RTF1: variants seen among roughly 807,000 people sequenced by gnomAD.
RTF1 encodes the protein RTF1 homolog, Paf1/RNA polymerase II complex component.
In RTF1, 10 loss-of-function variants were observed where a neutral mutation model predicts 95.7. The ratio of observed to expected loss-of-function variants is 0.10; its 90% CI spans 0.06 to 0.18. The LOEUF is 0.18. Among genes scored for constraint, RTF1 ranks in the 10% least tolerant of loss-of-function variants. The pLI, the probability that RTF1 is intolerant of heterozygous loss-of-function variation, is 1.00. For synonymous variants in RTF1, 305 were observed against 311.8 expected, an observed-to-expected ratio of 0.98 and a Z score of 0.23; for missense variants, 458 against 875.6, an observed-to-expected ratio of 0.52 and a Z score of 6.02.
intron 2 of RTF1, among the ~76,000 whole-genome samples, chr15:41,439,393 T>C (rs2050721546): frequency 6.6e-6 from 1 of 152,178 alleles, no homozygotes; most frequent in Non-Finnish European, 1.5e-5. Flanking sequence ...AAATAAATTC[T>C]ATCAAGGATG....
intron 13 of RTF1, 79 bp downstream of exon 13, chr15:41,477,365 C>G: frequency 6.2e-7 from 1 of 1,612,674 alleles, no homozygotes; most frequent in South Asian, 1.1e-5. Flanking sequence ...ACACTCTGTG[C>G]TGCACTGACC....
At position 41,423,381 on chromosome 15, in the gene RTF1, G is replaced by A. The variant is rs146496661; in HGVS notation, c.198+6068G>A. Among the ~76,000 whole-genome samples, 373 of 130,500 alleles carry A rather than the reference G, an allele frequency of 2.9e-3. 2 individuals carry two copies. Among genetic ancestry groups the A allele is most frequent in the African/African-American group, 9.6e-3 (344 of 35,934 alleles). 85.6% of individuals were successfully genotyped at this position (130,500 alleles called of 152,430 possible). On this transcript the variant is annotated intron_variant, in intron 1 of 17. Transcript: ENST00000389629. ...CCCATGGGAGCTCCCTCCCCACCCA[G>A]CCCCCACCCAAGATGGAGTCTTGCT...
chr15:41,423,455 C>T (rs1428580596), intron 1 of RTF1, among the ~76,000 whole-genome samples: 1 of 151,400 alleles, frequency 6.6e-6, no homozygotes, highest in Admixed American at 6.6e-5. Flanking sequence ...ACTGTAGCCT[C>T]CGCCTCTAGG....
At chr15:41,478,933 T>C (rs116967131) in intron 15 of RTF1, 170 bp from the exon 16 acceptor site, 120 of 620,242 alleles carry the variant, frequency 1.9e-4, no homozygotes, top group Non-Finnish European at 3.1e-4. Flanking sequence ...GCTTTCAAGC[T>C]TGTAATTGCC....
intron 6 of RTF1, among the ~76,000 whole-genome samples, chr15:41,466,669 A>G (rs1228395729): frequency 6.6e-6 from 1 of 152,220 alleles, no homozygotes; most frequent in African/African-American, 2.4e-5. Context: ...AAACATTTCT[A>G]TTTGTTTTGT....
chr15:41,470,868 C>T (rs971234421), intron 7 of RTF1, among the ~76,000 whole-genome samples: 11 of 151,924 alleles, frequency 7.2e-5, no homozygotes, highest in Middle Eastern at 3.4e-3. Context: ...CTGTTTTAGC[C>T]GGGATGGTCT....
rs913073142 is a variant in RTF1, at chr15:41,457,896, T to C, written c.662+20T>C. The C allele has an allele frequency of 3.0e-5, 47 of 1,561,992 alleles. No individual in the cohort carries two copies. The highest frequency in any genetic ancestry group is 4.0e-5 in the Non-Finnish European group (46 of 1,151,926). On this transcript the variant is annotated intron_variant, in intron 4 of 17. Transcript: ENST00000389629. Reference sequence around the variant, plus strand: ...AAGAAGGTAAGGTTGTCCTCGTCGTTGTCCCCCCCCCGCCCCCACCTTTTC... The same window carrying C: ...AAGAAGGTAAGGTTGTCCTCGTCGTCGTCCCCCCCCCGCCCCCACCTTTTC...
intron 6 of RTF1, among the ~76,000 whole-genome samples, chr15:41,469,854 G>A (rs2050900922): frequency 1.3e-5 from 2 of 152,100 alleles, no homozygotes; most frequent in Admixed American, 1.3e-4. Context: ...CTGCATAGTA[G>A]TTCATTGGTA....
At chr15:41,468,921 A>C (rs747209372) in intron 6 of RTF1, among the ~76,000 whole-genome samples, 1 of 152,076 alleles carries the variant, frequency 6.6e-6, no homozygotes. Context: ...AACGTGCTTT[A>C]TGTGTTTTAA....
rs773796303 is a variant in RTF1, at chr15:41,477,303, A to G, written c.1682+17A>G. 2 of 1,614,182 alleles carry G rather than the reference A, an allele frequency of 1.2e-6. No homozygotes were observed. Among genetic ancestry groups the G allele is most frequent in the South Asian group, 2.2e-5 (2 of 91,080 alleles). Reference sequence around the variant, plus strand: ...CGCTATCAGGTGTGTTATGGAGCCTATTTTTGGCCCGCAGACCTTGGCCAA... The same window carrying G: ...CGCTATCAGGTGTGTTATGGAGCCTGTTTTTGGCCCGCAGACCTTGGCCAA... On this transcript the variant is annotated intron_variant, in intron 13 of 17. Coordinates refer to ENST00000389629, the MANE Select transcript of RTF1 (RefSeq NM_015138.5).
At chr15:41,478,328 G>A (rs909711141) in intron 14 of RTF1, among the ~76,000 whole-genome samples, 4 of 151,186 alleles carry the variant, frequency 2.6e-5, no homozygotes, top group African/African-American at 9.7e-5. Context: ...TTGAACCTGA[G>A]AGGCAGCAGA....
rs1277555299 is a variant in RTF1 at position 41,438,371 on chromosome 15, G to A, written c.249G>A (p.Glu83=). 3.9e-6 allele frequency: 6 copies of A among 1,551,274 alleles called. No homozygotes were observed. Among genetic ancestry groups the A allele is most frequent in the Non-Finnish European group, 5.2e-6 (6 of 1,146,758 alleles). Residue 83 remains glutamate, a synonymous_variant, in exon 2 of 18, where the codon GAG becomes GAA. Coordinates refer to ENST00000389629, the MANE Select transcript of RTF1 (RefSeq NM_015138.5). ...KRKRSDSEEK[E]PPVSQPAASS... ...AGCGCAGTGACTCTGAGGAGAAGGA[G>A]CCGCCTGTGAGTCAGCCTGCAGCCT... is the stretch of plus-strand genomic sequence containing the variant.
At chr15:41,440,490 C>CT (rs1271679997) in intron 2 of RTF1, among the ~76,000 whole-genome samples, 4,965 of 117,894 alleles carry the variant, frequency 0.042, 178 homozygotes, top group African/African-American at 0.073. Flanking sequence ...CGCCTGGCCT[C>CT]TTTTTTTTTT....
intron 6 of RTF1, 80 bp from the exon 7 acceptor site, chr15:41,470,177 T>TC: frequency 4.7e-6 from 7 of 1,487,756 alleles, no homozygotes; most frequent in Non-Finnish European, 6.5e-6. Flanking sequence ...TGAGTCCTCT[T>TC]CCATTTCCAG....
At chr15:41,423,386 C>T (rs930911021) in intron 1 of RTF1, among the ~76,000 whole-genome samples, 1 of 151,754 alleles carries the variant, frequency 6.6e-6, no homozygotes, top group Non-Finnish European at 1.5e-5. Flanking sequence ...ACCCAGCCCC[C>T]ACCCAAGATG....
intron 16 of RTF1, 23 bp from the exon 17 acceptor site, chr15:41,480,191 T>C (rs2050964753): frequency 6.8e-7 from 1 of 1,464,244 alleles, no homozygotes; most frequent in African/African-American, 1.4e-5. Context: ...CTCTTACCAT[T>C]AGCTTTCCTC....
chr15:41,469,905 T>A (rs1374901440), intron 6 of RTF1, among the ~76,000 whole-genome samples: 2 of 152,164 alleles, frequency 1.3e-5, no homozygotes, highest in Non-Finnish European at 2.9e-5. Flanking sequence ...TATTTTAAAT[T>A]TTCCTCAGAA....
intron 1 of RTF1, among the ~76,000 whole-genome samples, chr15:41,424,349 A>T (rs1273115191): frequency 6.6e-6 from 1 of 152,162 alleles, no homozygotes. Context: ...CTGAAGAGTA[A>T]AGGGAAGAGT....
At chr15:41,439,811 C>T (rs1046783889) in intron 2 of RTF1, among the ~76,000 whole-genome samples, 11 of 152,006 alleles carry the variant, frequency 7.2e-5, no homozygotes, top group African/African-American at 2.4e-4. Context: ...ACCACAGTGC[C>T]CGGCTGATTT....
Sources: allele counts gnomAD v4.1 joint callset (sites outside exome capture counted in the v4.1 genomes callset), GRCh38; gene constraint gnomAD v4.1.1; transcripts MANE v1.5; gene names NCBI Gene and HGNC (gene_info 2026-07-23, HGNC 2026-07-21).